RPUSD2: variants seen among roughly 807,000 people sequenced by gnomAD.
RPUSD2 encodes pseudouridylate synthase RPUSD2.
In RPUSD2, 31 loss-of-function variants were observed where a neutral mutation model predicts 41.5. The ratio of observed to expected loss-of-function variants is 0.75; its 90% CI spans 0.56 to 1.01. RPUSD2 has a LOEUF of 1.01. Ranked by LOEUF, RPUSD2 falls within the 50% of genes least tolerant of loss-of-function variation. RPUSD2 has a pLI of 0.00. For synonymous variants in RPUSD2, 305 were observed against 289.7 expected, an observed-to-expected ratio of 1.05 and a Z score of -0.54; for missense variants, 749 against 724.7, an observed-to-expected ratio of 1.03 and a Z score of -0.38.
chr15:40,570,546 C>T (rs929855134), intron 1 of RPUSD2, among the ~76,000 whole-genome samples: 1 of 152,134 alleles, frequency 6.6e-6, no homozygotes, highest in Non-Finnish European at 1.5e-5. Flanking sequence ...AATTGTTTAG[C>T]CCAGTGCTTT....
rs752173871 is a variant in RPUSD2 at position 40,569,626 on chromosome 15, G to A, written c.289G>A (p.Gly97Ser). Reference sequence around the variant, plus strand: ...TCCCTCGGCTGCAGCCCCAGGCCCGGGCAAGCATAAGAAGCGGCGGGGCGC... The same window carrying A: ...TCCCTCGGCTGCAGCCCCAGGCCCGAGCAAGCATAAGAAGCGGCGGGGCGC... ...EHPSAAAPGP[G>S]KHKKRRGATR... The change falls in exon 1 of 3, where the codon GGC becomes AGC. Residue 97 changes from glycine to serine, a missense_variant. Transcript: ENST00000315616. The A allele has an allele frequency of 6.5e-7, 1 of 1,540,064 alleles. No homozygotes were observed. Among genetic ancestry groups the A allele is most frequent in the Non-Finnish European group, 8.8e-7 (1 of 1,141,480 alleles).
rs398026953 is a variant in RPUSD2, at chr15:40,573,020, C to CTTTTTTT, written c.904-492_904-486dup. 6.4e-4 allele frequency among the ~76,000 whole-genome samples: 62 copies of CTTTTTTT among 96,740 alleles called. 2 individuals are homozygous for CTTTTTTT. The highest frequency in any genetic ancestry group is 7.8e-4 in the Non-Finnish European group (40 of 51,026). 63.5% of individuals were successfully genotyped at this position (96,740 alleles called of 152,430 possible). ...GAGGTAAATGCTTTTCTTTTCTTTT[C>CTTTTTTT]TTTTTTTTTTTTTTTTTTTTTGAGA... On this transcript the variant is annotated intron_variant, in intron 2 of 2. Coordinates refer to ENST00000315616, the MANE Select transcript of RPUSD2 (RefSeq NM_152260.3).
Position 40,569,391 on chromosome 15 carries a change from C to A in RPUSD2, c.54C>A (p.Asp18Glu). ...GGGTTCTTGGACATTGGCGCTACGA[C>A]CTTAGGCGCCCTAGCTTTACCAGGA... ...WLRVLGHWRY[D>E]LRRPSFTRTW... Residue 18 changes from aspartate (D) to glutamate (E), a missense_variant, in exon 1 of 3, where the codon GAC becomes GAA. Transcript: ENST00000315616. The A allele has an allele frequency of 6.6e-7, 1 of 1,526,688 alleles. No individual in the cohort carries two copies. The highest frequency in any genetic ancestry group is 2.3e-5 in the Admixed American group (1 of 43,030). 94.6% of individuals were successfully genotyped at this position (1,526,688 alleles called of 1,614,324 possible).
chr15:40,573,532 G>A lies in RPUSD2; in HGVS notation c.909G>A (p.Glu303=). Residue 303 remains glutamate (E), a synonymous_variant, in exon 3 of 3, where the codon GAG becomes GAA. Coordinates refer to ENST00000315616, the MANE Select transcript of RPUSD2 (RefSeq NM_152260.3). ...CCCTCTTCCCTCCTATGTAGCTGGA[G>A]AAGGAGTACGTGTGCCGGGTGGAAG... ...IHEQVRDRQL[E]KEYVCRVEGE... is the part of the protein sequence containing the mutation. The A allele has an allele frequency of 6.2e-7, 1 of 1,610,880 alleles. No individual in the cohort carries two copies. Among genetic ancestry groups the A allele is most frequent in the Non-Finnish European group, 8.5e-7 (1 of 1,178,178 alleles).
Position 40,571,630 on chromosome 15 carries a change from G to A in RPUSD2, c.633G>A (p.Val211=), listed in dbSNP as rs939495387. Residue 211 remains valine, a synonymous_variant, in exon 2 of 3, where the codon GTG becomes GTA. Coordinates refer to ENST00000315616, the MANE Select transcript of RPUSD2 (RefSeq NM_152260.3). ...ACAATGATTTCTTGCGGAACACAGT[G>A]CACAGGCATGAGCCACCAGTCACAG... is the stretch of plus-strand genomic sequence containing the variant. ...LKDNDFLRNT[V]HRHEPPVTAE... 31 of 1,614,060 alleles carry A rather than the reference G, an allele frequency of 1.9e-5. No homozygotes were observed. Among genetic ancestry groups the A allele is most frequent in the Non-Finnish European group, 2.4e-5 (28 of 1,180,032 alleles).
chr15:40,571,324 C>A (rs1359097740), intron 1 of RPUSD2, among the ~76,000 whole-genome samples: 1 of 152,206 alleles, frequency 6.6e-6, no homozygotes. Context: ...AGAGAAAATA[C>A]AATTAGCAAA....
chr15:40,574,150 C>T lies in RPUSD2; in HGVS notation c.1527C>T (p.Pro509=). Residue 509 remains proline (P), a synonymous_variant, in exon 3 of 3, where the codon CCC becomes CCT. Transcript: ENST00000315616. The part of the protein sequence containing the change: ...CAECRLVRQD[P]LPQDLVMFLH... ...AGTGCCGGCTGGTGCGACAGGATCCCTTGCCCCAAGACCTTGTGATGTTCC... is the reference window on the plus strand; with the variant it reads ...AGTGCCGGCTGGTGCGACAGGATCCTTTGCCCCAAGACCTTGTGATGTTCC... 1 of 1,614,182 alleles carries T rather than the reference C, an allele frequency of 6.2e-7. No homozygotes were observed. Among genetic ancestry groups the T allele is most frequent in the South Asian group, 1.1e-5 (1 of 91,086 alleles).
In RPUSD2 at chr15:40,571,834, G is replaced by C. The variant is rs745863868; in HGVS notation, c.837G>C (p.Gly279=). The C allele has an allele frequency of 1.2e-6, 2 of 1,614,060 alleles. No individual in the cohort carries two copies. Among genetic ancestry groups the C allele is most frequent in the Non-Finnish European group, 1.7e-6 (2 of 1,180,040 alleles). ...PLHRLDRLTS[G]VLMFAKTAAV... is the part of the protein sequence containing the mutation. ...ATCGGCTTGACCGCCTTACCTCAGGGGTGCTTATGTTTGCCAAGACAGCTG... is the reference window on the plus strand; with the variant it reads ...ATCGGCTTGACCGCCTTACCTCAGGCGTGCTTATGTTTGCCAAGACAGCTG... Residue 279 remains glycine (G), a synonymous_variant, in exon 2 of 3, where the codon GGG becomes GGC. Transcript: ENST00000315616.
intron 1 of RPUSD2, among the ~76,000 whole-genome samples, chr15:40,570,526 TAG>T (rs1349713482): frequency 1.3e-5 from 2 of 152,206 alleles, no homozygotes; most frequent in African/African-American, 4.8e-5. Flanking sequence ...ATGTCAGGGA[TAG>T]AGACTAGAAT....
chr15:40,570,996 A>T (rs146171944), intron 1 of RPUSD2, among the ~76,000 whole-genome samples: 2,387 of 141,454 alleles, frequency 0.017, 59 homozygotes, highest in African/African-American at 0.054. Flanking sequence ...TTGATTATTT[A>T]TTTTTTTTTT....
In RPUSD2 at chr15:40,573,824, G is replaced by T. The variant is rs371870042; in HGVS notation, c.1201G>T (p.Gly401Cys). ...SVAWGPSRGR[G>C]GYIPKTNEEL... ...TGCCTGGGGTCCTTCTCGAGGCCGGGGCGGCTACATTCCCAAGACAAACGA... is the reference window on the plus strand; with the variant it reads ...TGCCTGGGGTCCTTCTCGAGGCCGGTGCGGCTACATTCCCAAGACAAACGA... The change falls in exon 3 of 3, where the codon GGC becomes TGC. Residue 401 changes from glycine (G) to cysteine (C), a missense_variant. By Grantham distance (159) the Gly-to-Cys change is radical (BLOSUM62 -3). Transcript: ENST00000315616. 5 of 1,614,076 alleles carry T rather than the reference G, an allele frequency of 3.1e-6. No individual in the cohort carries two copies. Among genetic ancestry groups the T allele is most frequent in the Admixed American group, 1.7e-5 (1 of 60,006 alleles).
Position 40,573,819 on chromosome 15 carries a change from G to T in RPUSD2, c.1196G>T (p.Gly399Val). 1 of 1,614,210 alleles carries T rather than the reference G, an allele frequency of 6.2e-7. No homozygotes were observed. Residue 399 changes from glycine to valine, a missense_variant, in exon 3 of 3, where the codon GGC becomes GTC. Transcript: ENST00000315616. ...YNSVAWGPSR[G>V]RGGYIPKTNE... The stretch of plus-strand genomic sequence containing the variant: ...TCAGTTGCCTGGGGTCCTTCTCGAG[G>T]CCGGGGCGGCTACATTCCCAAGACA...
At position 40,569,766 on chromosome 15, in the gene RPUSD2, G is replaced by A. The variant is rs34974852; in HGVS notation, c.429G>A (p.Arg143=). 1.9e-6 allele frequency: 3 copies of A among 1,610,324 alleles called. No homozygotes were observed. In the Admixed American group the frequency reaches 5.1e-5, roughly 27 times the overall value. ...YYFEGGLRKV[R]PYYFDFRTYC... is the part of the protein sequence containing the mutation. Reference sequence around the variant, plus strand: ...TCGAGGGCGGCCTGCGTAAGGTGCGGCCCTATTACTTTGACTTCCGGACCT... The same window carrying A: ...TCGAGGGCGGCCTGCGTAAGGTGCGACCCTATTACTTTGACTTCCGGACCT... The change falls in exon 1 of 3, where the codon CGG becomes CGA. Residue 143 remains arginine (R), a synonymous_variant. Coordinates refer to ENST00000315616, the MANE Select transcript of RPUSD2 (RefSeq NM_152260.3).
In RPUSD2 at chr15:40,574,779, A is replaced by G. The variant is rs1372345128; in HGVS notation, c.*518A>G. On this transcript the variant is annotated 3_prime_UTR_variant, in exon 3 of 3. Coordinates refer to ENST00000315616, the MANE Select transcript of RPUSD2 (RefSeq NM_152260.3). The stretch of plus-strand genomic sequence containing the variant: ...GTGTTGTACAACCATAACCTCATAT[A>G]TTTCCAAAACATTTTCATCACCCCA... 6.6e-6 allele frequency: 1 copy of G among 152,268 alleles called. No individual in the cohort carries two copies. Among genetic ancestry groups the G allele is most frequent in the African/African-American group, 2.4e-5 (1 of 41,402 alleles). 9.4% of individuals were successfully genotyped at this position (152,268 alleles called of 1,614,324 possible).
chr15:40,571,655 G>A lies in RPUSD2; in HGVS notation c.658G>A (p.Ala220Thr), dbSNP rs1019644049. Residue 220 changes from alanine to threonine, a missense_variant, in exon 2 of 3, where the codon GCA becomes ACA. By Grantham distance (58) the Ala-to-Thr change is moderately conservative. Transcript: ENST00000315616. ...TVHRHEPPVT[A>T]EPIRLLAENE... is the part of the protein sequence containing the mutation. ...GCACAGGCATGAGCCACCAGTCACA[G>A]CAGAGCCCATTCGCCTGCTAGCTGA... 2 of 1,614,228 alleles carry A rather than the reference G, an allele frequency of 1.2e-6. No homozygotes were observed. Among genetic ancestry groups the A allele is most frequent in the Non-Finnish European group, 1.7e-6 (2 of 1,180,028 alleles).
Position 40,569,408 on chromosome 15 carries a change from T to TTA in RPUSD2, c.72_73dup (p.Thr25IlefsTer26). 6.5e-7 allele frequency: 1 copy of TTA among 1,538,380 alleles called. No individual in the cohort carries two copies. The highest frequency in any genetic ancestry group is 8.7e-7 in the Non-Finnish European group (1 of 1,149,426). The stretch of plus-strand genomic sequence containing the variant: ...CGCTACGACCTTAGGCGCCCTAGCT[T>TTA]TACCAGGACTTGGAGTGGCGATAAG... On this transcript the variant is annotated frameshift_variant, in exon 1 of 3. Transcript: ENST00000315616. LOFTEE classifies it high-confidence loss of function.
chr15:40,571,198 G>A (rs1891130564), intron 1 of RPUSD2, among the ~76,000 whole-genome samples: 1 of 152,064 alleles, frequency 6.6e-6, no homozygotes, highest in Admixed American at 6.6e-5. Flanking sequence ...GACCATGTTA[G>A]CCAGGATGGT....
At position 40,569,930 on chromosome 15, in the gene RPUSD2, A is replaced by T. The variant is rs766342352; in HGVS notation, c.593A>T (p.Asn198Ile). The stretch of plus-strand genomic sequence containing the variant: ...AACGAGAAGCCGGTGCAGGACCTCA[A>T]CATCGTGCTCAAGGTGGAGTCCTGA... ...QLNEKPVQDL[N>I]IVLKDNDFLR... Residue 198 changes from asparagine (N) to isoleucine (I), a missense_variant, in exon 1 of 3, where the codon AAC becomes ATC. By Grantham distance (149) the Asn-to-Ile change is moderately radical. Coordinates refer to ENST00000315616, the MANE Select transcript of RPUSD2 (RefSeq NM_152260.3). The T allele has an allele frequency of 1.3e-6, 2 of 1,550,202 alleles. No homozygotes were observed. The highest frequency in any genetic ancestry group is 8.7e-7 in the Non-Finnish European group (1 of 1,148,536).
intron 2 of RPUSD2, among the ~76,000 whole-genome samples, chr15:40,572,581 A>C (rs1419549172): frequency 6.7e-6 from 1 of 149,094 alleles, no homozygotes; most frequent in East Asian, 2.0e-4. Context: ...AAAAAAAAAA[A>C]CTTACCCTGG....
Sources: allele counts gnomAD v4.1 joint callset (sites outside exome capture counted in the v4.1 genomes callset), GRCh38; gene constraint gnomAD v4.1.1; transcripts MANE v1.5; gene names NCBI Gene and HGNC (gene_info 2026-07-23, HGNC 2026-07-21).